RHOT1: variants seen among roughly 807,000 people sequenced by gnomAD.
RHOT1 encodes the protein ras homolog family member T1, also known as mitochondrial Rho GTPase 1.
Under a neutral mutation model 95.3 loss-of-function variants are expected in RHOT1, and 27 were observed. The observed-to-expected ratio is 0.28, with a 90% CI of 0.21 to 0.39. RHOT1 has a LOEUF of 0.39. Among genes scored for constraint, RHOT1 ranks in the 10% least tolerant of loss-of-function variants. The probability of loss-of-function intolerance (pLI) is 1.00; values close to 1 mark genes in which losing one functional copy is unlikely to be tolerated. For missense variants in RHOT1, 578 were observed against 786.7 expected, an observed-to-expected ratio of 0.73 and a Z score of 3.17; for synonymous variants, 227 against 263.5, an observed-to-expected ratio of 0.86 and a Z score of 1.34.
At chr17:32,190,164 G>A (rs1017073672) in intron 8 of RHOT1, among the ~76,000 whole-genome samples, 2 of 152,006 alleles carry the variant, frequency 1.3e-5, no homozygotes, top group African/African-American at 4.8e-5. Context: ...TTAATGAAAA[G>A]TGCATCGTTG....
At chr17:32,206,436 ACTTT>A (rs1293635414) in intron 16 of RHOT1, among the ~76,000 whole-genome samples, 2 of 108,262 alleles carry the variant, frequency 1.8e-5, no homozygotes, top group Non-Finnish European at 3.7e-5. Flanking sequence ...ATTTGTCTAT[ACTTT>A]CTTTTTTTTT....
chr17:32,154,479 C>T (rs1368559397), intron 1 of RHOT1, among the ~76,000 whole-genome samples: 7 of 148,358 alleles, frequency 4.7e-5, no homozygotes, highest in Admixed American at 1.4e-4. Flanking sequence ...CCCAGCTACT[C>T]GGGAGGCTGA....
At position 32,194,053 on chromosome 17, in the gene RHOT1, G is replaced by A. The variant is rs866543534; in HGVS notation, c.815G>A (p.Arg272Gln). Reference protein sequence around the residue: ...GRHETTWTVLRRFGYDDDLDL... With the variant: ...GRHETTWTVLQRFGYDDDLDL... ...CACGAAACTACTTGGACTGTGCTTC[G>A]ACGATTTGGTTATGATGATGACCTG... Residue 272 changes from arginine (R) to glutamine (Q), a missense_variant, in exon 11 of 20, where the codon CGA (arginine) becomes CAA (glutamine). Arg to Gln is a conservative substitution (Grantham distance 43). Transcript: ENST00000545287. 1.2e-6 allele frequency: 2 copies of A among 1,614,040 alleles called. No homozygotes were observed. The highest frequency in any genetic ancestry group is 2.2e-5 in the East Asian group (1 of 44,878).
chr17:32,150,570 G>T (rs2032160905), intron 1 of RHOT1: 3 of 1,574,854 alleles, frequency 1.9e-6, no homozygotes, highest in Non-Finnish European at 2.6e-6. Context: ...CAGCAAAGGT[G>T]CTGAGAGAGG....
At chr17:32,203,801 A>T in intron 15 of RHOT1, 89 bp from the exon 16 acceptor site, 1 of 885,122 alleles carries the variant, frequency 1.1e-6, no homozygotes. Flanking sequence ...CCTTTTATTT[A>T]TAACACACCT....
At chr17:32,186,661 G>A (rs1024193024) in intron 8 of RHOT1, among the ~76,000 whole-genome samples, 11 of 151,702 alleles carry the variant, frequency 7.3e-5, no homozygotes, top group East Asian at 2.0e-4. Flanking sequence ...CACTGCGCCC[G>A]GCCCCCATTT....
chr17:32,189,721 C>G (rs1445925642), intron 8 of RHOT1, among the ~76,000 whole-genome samples: 1 of 138,740 alleles, frequency 7.2e-6, no homozygotes, highest in Non-Finnish European at 1.5e-5. Context: ...ACAACAATAT[C>G]TTTTCTTTTC....
At chr17:32,163,317 G>A (rs899823520) in intron 1 of RHOT1, among the ~76,000 whole-genome samples, 15 of 151,860 alleles carry the variant, frequency 9.9e-5, no homozygotes, top group African/African-American at 3.4e-4. Context: ...GTGAGGGAAG[G>A]AATGAATGTT....
intron 1 of RHOT1, among the ~76,000 whole-genome samples, chr17:32,147,365 A>G (rs1357858266): frequency 2.6e-5 from 4 of 151,876 alleles, no homozygotes; most frequent in Non-Finnish European, 4.4e-5. Flanking sequence ...TTAAAACCAT[A>G]TTGCTAATCC....
chr17:32,222,734 C>A, intron 19 of RHOT1: 1 of 342,236 alleles, frequency 2.9e-6, no homozygotes, highest in Non-Finnish European at 4.1e-6. Flanking sequence ...CTGTGAACTG[C>A]AAACTGTGTG....
intron 1 of RHOT1, chr17:32,142,931 C>T: frequency 1.4e-6 from 1 of 717,724 alleles, no homozygotes; most frequent in South Asian, 1.5e-5. Context: ...GCGGCCCTCA[C>T]CCTGTCACCT....
chr17:32,155,577 C>T (rs1329019335), intron 1 of RHOT1, among the ~76,000 whole-genome samples: 3 of 149,396 alleles, frequency 2.0e-5, no homozygotes, highest in Non-Finnish European at 4.4e-5. Flanking sequence ...AGGTCTCACT[C>T]TGTTGCCCAA....
At chr17:32,171,667 T>C (rs940690552) in intron 2 of RHOT1, among the ~76,000 whole-genome samples, 3 of 152,166 alleles carry the variant, frequency 2.0e-5, no homozygotes, top group African/African-American at 7.2e-5. Context: ...ATTCCGTGAG[T>C]TGAAGTTAAG....
At chr17:32,198,051 T>C (rs1178995704) in intron 11 of RHOT1, among the ~76,000 whole-genome samples, 2 of 152,082 alleles carry the variant, frequency 1.3e-5, no homozygotes, top group Non-Finnish European at 2.9e-5. Context: ...TGTGCCACCA[T>C]GCCTAGTTAA....
intron 1 of RHOT1, among the ~76,000 whole-genome samples, chr17:32,165,336 CAAAAAAA>C (rs773728913): frequency 8.7e-5 from 3 of 34,336 alleles, no homozygotes; most frequent in South Asian, 1.1e-3. Context: ...GACTCCGTCT[CAAAAAAA>C]AAAAAAAAAA....
At position 32,182,874 on chromosome 17, in the gene RHOT1, T is replaced by C. The variant is rs755926482; in HGVS notation, c.438+9T>C. The C allele has an allele frequency of 4.1e-6, 6 of 1,458,656 alleles. No homozygotes were observed. In the South Asian group the frequency reaches 7.3e-5, roughly 18 times the overall value. The allele number at this position is 1,458,656 out of a possible 1,614,324, so 90.4% of individuals were successfully genotyped here. A position where few individuals can be genotyped will look rare whatever the true frequency, so the allele number is the denominator to read the frequency against. ...TAGAAACCTGTGTGGAGGTATGCCT[T>C]GTAATTTGATTTGAAAATTTATTTT... On this transcript the variant is annotated intron_variant, in intron 7 of 19. Coordinates refer to ENST00000545287, the MANE Select transcript of RHOT1 (RefSeq NM_001033566.3).
Position 32,211,257 on chromosome 17 carries a change from T to C in RHOT1, c.1862+19T>C, listed in dbSNP as rs1432461980. Reference sequence around the variant, plus strand: ...TTAACAGGTTCTTAACTTTATTTACTGGGTACCAGGCATTCTGTTAAAATA... The same window carrying C: ...TTAACAGGTTCTTAACTTTATTTACCGGGTACCAGGCATTCTGTTAAAATA... On this transcript the variant is annotated intron_variant, in intron 19 of 19. Transcript: ENST00000545287. 1 of 1,591,672 alleles carries C rather than the reference T, an allele frequency of 6.3e-7. No individual in the cohort carries two copies. The highest frequency in any genetic ancestry group is 1.1e-5 in the South Asian group (1 of 88,568).
chr17:32,224,319 G>T (rs1396232097), intron 19 of RHOT1, among the ~76,000 whole-genome samples: 2 of 152,136 alleles, frequency 1.3e-5, no homozygotes, highest in Non-Finnish European at 2.9e-5. Context: ...TAAAATGCTA[G>T]ATTGATTTGT....
At chr17:32,189,038 G>A (rs557482412) in intron 8 of RHOT1, among the ~76,000 whole-genome samples, 3 of 152,194 alleles carry the variant, frequency 2.0e-5, no homozygotes, top group Admixed American at 1.3e-4. Context: ...AGTGGTTCAC[G>A]CATGTAATCC....
Sources: allele counts gnomAD v4.1 joint callset (sites outside exome capture counted in the v4.1 genomes callset), GRCh38; gene constraint gnomAD v4.1.1; transcripts MANE v1.5; gene names NCBI Gene and HGNC (gene_info 2026-07-23, HGNC 2026-07-21).